The following SLIT3 variants were observed in gnomAD, a reference collection of about 807,000 sequenced individuals.
The protein encoded by SLIT3 is slit guidance ligand 3.
A neutral mutation model predicts 184.0 loss-of-function variants in SLIT3; 68 were observed. The ratio of observed to expected loss-of-function variants is 0.37; its 90% CI spans 0.30 to 0.45. The LOEUF (loss-of-function observed/expected upper bound fraction) is 0.45. SLIT3 is among the 20% of genes least tolerant of loss of function. The pLI, the probability that SLIT3 is intolerant of heterozygous loss-of-function variation, is 1.00. For synonymous variants in SLIT3, 831 were observed against 828.6 expected (o/e 1.00, Z -0.05); for missense variants, 1,707 against 2,026.0 (o/e 0.84, Z 3.02).
intron 4 of SLIT3, among the ~76,000 whole-genome samples, chr5:168,890,396 G>A (rs1429992457): frequency 2.0e-5 from 3 of 152,118 alleles, no homozygotes; most frequent in African/African-American, 7.2e-5. Flanking sequence ...CTTTCAAGGT[G>A]GACAGTTTGA....
intron 6 of SLIT3, among the ~76,000 whole-genome samples, chr5:168,837,544 C>A (rs539241820): frequency 2.0e-5 from 3 of 152,114 alleles, no homozygotes; most frequent in Non-Finnish European, 4.4e-5. Flanking sequence ...AAAATGATTC[C>A]AGGACAACCA....
intron 3 of SLIT3, among the ~76,000 whole-genome samples, chr5:169,236,137 G>C (rs1328981448): frequency 2.6e-5 from 4 of 152,180 alleles, no homozygotes; most frequent in Non-Finnish European, 5.9e-5. Context: ...ATTTCTGTGA[G>C]TATGGACTCA....
chr5:169,122,888 T>C (rs1337075020), intron 4 of SLIT3, among the ~76,000 whole-genome samples: 1 of 152,198 alleles, frequency 6.6e-6, no homozygotes, highest in Non-Finnish European at 1.5e-5. Context: ...TACAAAATCC[T>C]TGAACTTTAC....
chr5:168,884,847 C>T (rs1346709207), intron 4 of SLIT3, among the ~76,000 whole-genome samples: 11 of 151,792 alleles, frequency 7.2e-5, no homozygotes, highest in Non-Finnish European at 1.0e-4. Context: ...CTCCTTGGTA[C>T]GGGGTCCTAG....
At chr5:169,146,219 A>G (rs1349435015) in intron 4 of SLIT3, among the ~76,000 whole-genome samples, 2 of 152,246 alleles carry the variant, frequency 1.3e-5, no homozygotes, top group Admixed American at 6.5e-5. Context: ...TATGCAATTA[A>G]TAAGTGGCAA....
At chr5:168,759,049 T>C (rs973192446) in intron 16 of SLIT3, among the ~76,000 whole-genome samples, 3 of 152,208 alleles carry the variant, frequency 2.0e-5, no homozygotes, top group African/African-American at 7.2e-5. Context: ...ATTTCGTGTT[T>C]AGACTTGCAT....
chr5:168,834,973 C>A (rs10071563), intron 6 of SLIT3, among the ~76,000 whole-genome samples: 3 of 151,870 alleles, frequency 2.0e-5, no homozygotes, highest in Non-Finnish European at 4.4e-5. Flanking sequence ...GCAATTCACA[C>A]TGGAATCAAT....
intron 1 of SLIT3, among the ~76,000 whole-genome samples, chr5:169,255,694 T>C (rs1486800320): frequency 6.6e-6 from 1 of 152,102 alleles, no homozygotes; most frequent in African/African-American, 2.4e-5. Context: ...CCATCCTGGC[T>C]AACACGGTGA....
chr5:169,081,924 C>T (rs941323638), intron 4 of SLIT3, among the ~76,000 whole-genome samples: 5 of 152,126 alleles, frequency 3.3e-5, no homozygotes, highest in Non-Finnish European at 5.9e-5. Context: ...GTGATTTGCC[C>T]GGGCCCACAC....
chr5:169,110,508 C>A (rs377207479), intron 4 of SLIT3, among the ~76,000 whole-genome samples: 1 of 152,168 alleles, frequency 6.6e-6, no homozygotes, highest in Non-Finnish European at 1.5e-5. Flanking sequence ...AAGGCATTCT[C>A]TCTGTACCCT....
At chr5:168,671,826 A>G (rs1453256370) in intron 33 of SLIT3, among the ~76,000 whole-genome samples, 1 of 152,154 alleles carries the variant, frequency 6.6e-6, no homozygotes, top group Non-Finnish European at 1.5e-5. Flanking sequence ...CGTTCCCCCC[A>G]ATAGGCAAGT....
chr5:169,082,671 A>ACAACTTGC (rs1759119221), intron 4 of SLIT3, among the ~76,000 whole-genome samples: 1 of 152,252 alleles, frequency 6.6e-6, no homozygotes, highest in Non-Finnish European at 1.5e-5. Flanking sequence ...AAGAGTTATC[A>ACAACTTGC]CAACTTGCCA....
chr5:168,891,913 C>T (rs570177377), intron 4 of SLIT3, among the ~76,000 whole-genome samples: 16 of 152,132 alleles, frequency 1.1e-4, no homozygotes, highest in South Asian at 2.1e-4. Context: ...AGTCAGAAAG[C>T]GAGCTGGGGA....
At chr5:169,211,393 A>C (rs1764259755) in intron 3 of SLIT3, among the ~76,000 whole-genome samples, 1 of 152,142 alleles carries the variant, frequency 6.6e-6, no homozygotes, top group South Asian at 2.1e-4. Context: ...CTTTGCTCAA[A>C]AGCCCCTCAG....
chr5:168,698,238 T>C lies in SLIT3; in HGVS notation c.2943-1807A>G, dbSNP rs1278176265. ...AATTGTGTTCCCCCCAAAAAAGATA[T>C]GTTGAAGTCCTAACCCTGAGTACAT... On this transcript the variant is annotated intron_variant, in intron 27 of 35. Transcript: ENST00000519560. Among the ~76,000 whole-genome samples, 5 of 152,330 alleles carry C rather than the reference T, an allele frequency of 3.3e-5. No individual in the cohort carries two copies. The South Asian group carries it at 8.3e-4, about 25-fold the overall frequency.
intron 1 of SLIT3, among the ~76,000 whole-genome samples, chr5:169,290,445 ACTAGGGCACATG>A (rs1262080580): frequency 1.3e-5 from 2 of 149,468 alleles, no homozygotes; most frequent in South Asian, 2.2e-4. Flanking sequence ...TAGGTTGCGC[ACTAGGGCACATG>A]CTAGGGCACA....
intron 5 of SLIT3, among the ~76,000 whole-genome samples, chr5:168,874,161 A>G (rs1504957): frequency 0.55 from 83,375 of 151,568 alleles, 24,267 homozygotes; most frequent in African/African-American, 0.76. Flanking sequence ...AAATACTTGT[A>G]ATGAGTTAAA....
At chr5:169,134,613 T>C (rs1313957425) in intron 4 of SLIT3, among the ~76,000 whole-genome samples, 1 of 152,062 alleles carries the variant, frequency 6.6e-6, no homozygotes, top group Non-Finnish European at 1.5e-5. Flanking sequence ...GGCTGGGGGC[T>C]GGGGGAGGGA....
chr5:168,913,740 T>G (rs1581205478), intron 4 of SLIT3, among the ~76,000 whole-genome samples: 1 of 66,984 alleles, frequency 1.5e-5, no homozygotes, highest in African/African-American at 5.4e-5. Context: ...AAACTCCGTC[T>G]CAAAAAAAAA....
Sources: gnomAD v4.1 joint callset for allele counts (sites outside exome capture counted in the v4.1 genomes callset) on GRCh38, gnomAD v4.1.1 for gene constraint, MANE v1.5 for transcripts, NCBI Gene and HGNC (gene_info 2026-07-23, HGNC 2026-07-21) for gene names.